UNC13C: variants seen among roughly 807,000 people sequenced by gnomAD.
UNC13C encodes the protein unc-13 homolog C, also known as protein unc-13 homolog C.
Under a neutral mutation model 245.4 loss-of-function variants are expected in UNC13C, and 174 were observed. The observed-to-expected ratio is 0.71, with a 90% CI of 0.63 to 0.80. UNC13C has a LOEUF of 0.80. UNC13C is among the 30% of genes least tolerant of loss of function. The pLI, the probability that UNC13C is intolerant of heterozygous loss-of-function variation, is 0.00. For missense variants in UNC13C, 2,829 were observed against 2,602.9 expected, an observed-to-expected ratio of 1.09 and a Z score of -1.89; for synonymous variants, 992 against 895.1, an observed-to-expected ratio of 1.11 and a Z score of -1.93.
At chr15:54,061,353 G>C (rs1171438654) in intron 2 of UNC13C, among the ~76,000 whole-genome samples, 2 of 152,052 alleles carry the variant, frequency 1.3e-5, no homozygotes, top group African/African-American at 4.8e-5. Context: ...TAGGTGGCTG[G>C]AAGAAAAATG....
chr15:54,129,502 A>G (rs2031274226), intron 2 of UNC13C, among the ~76,000 whole-genome samples: 1 of 152,168 alleles, frequency 6.6e-6, no homozygotes. Flanking sequence ...AGTTTAAAAT[A>G]TTAGATATTC....
At chr15:54,119,570 C>T (rs576001274) in intron 2 of UNC13C, among the ~76,000 whole-genome samples, 6 of 152,228 alleles carry the variant, frequency 3.9e-5, no homozygotes, top group African/African-American at 1.4e-4. Context: ...AGTAACCCTA[C>T]ATTGGCCTCT....
chr15:54,026,746 A>G (rs1366726174), intron 2 of UNC13C, among the ~76,000 whole-genome samples: 7 of 152,148 alleles, frequency 4.6e-5, no homozygotes, highest in Non-Finnish European at 8.8e-5. Flanking sequence ...TCTTTGGTCT[A>G]ATTTTCCTCT....
the UNC13C span, among the ~76,000 whole-genome samples, chr15:53,842,117 A>G: frequency 6.6e-6 from 1 of 152,164 alleles, no homozygotes; most frequent in Non-Finnish European, 1.5e-5. Context: ...TTTGACACTA[A>G]AAGTGCAGAA....
At chr15:54,290,570 GTC>G (rs1280247439) in intron 10 of UNC13C, among the ~76,000 whole-genome samples, 3 of 152,054 alleles carry the variant, frequency 2.0e-5, no homozygotes. Context: ...AGATAATATT[GTC>G]TCTCCCTCCT....
chr15:54,125,640 T>C (rs777478480), intron 2 of UNC13C, among the ~76,000 whole-genome samples: 3 of 152,188 alleles, frequency 2.0e-5, no homozygotes, highest in Non-Finnish European at 4.4e-5. Flanking sequence ...GGGAGTGTAA[T>C]AGGGAAATTT....
the UNC13C span, among the ~76,000 whole-genome samples, chr15:53,862,872 A>G: frequency 1.3e-5 from 2 of 152,134 alleles, no homozygotes; most frequent in Non-Finnish European, 2.9e-5. Context: ...TCTAGTCTGT[A>G]GCATTCTGTC....
chr15:54,229,946 G>T (rs1472092162), intron 4 of UNC13C, among the ~76,000 whole-genome samples: 2 of 151,686 alleles, frequency 1.3e-5, no homozygotes, highest in Admixed American at 6.6e-5. Context: ...GTCACAAATT[G>T]TAGGGTTTTT....
intron 30 of UNC13C, among the ~76,000 whole-genome samples, chr15:54,570,887 T>C (rs1429490594): frequency 6.6e-6 from 1 of 152,174 alleles, no homozygotes; most frequent in Non-Finnish European, 1.5e-5. Context: ...GCTTCCAAGA[T>C]CCCTTAAGTG....
the UNC13C span, among the ~76,000 whole-genome samples, chr15:53,896,975 G>C: frequency 3.4e-4 from 52 of 152,238 alleles, no homozygotes; most frequent in Middle Eastern, 3.4e-3. Context: ...AACATAGTTA[G>C]GTTACTGAGG....
intron 4 of UNC13C, among the ~76,000 whole-genome samples, chr15:54,214,555 G>A (rs1196502859): frequency 6.6e-6 from 1 of 151,910 alleles, no homozygotes; most frequent in African/African-American, 2.4e-5. Flanking sequence ...TTTCATTAGT[G>A]ATAGAAGAGG....
intron 18 of UNC13C, among the ~76,000 whole-genome samples, chr15:54,396,952 T>C (rs59738575): frequency 0.12 from 18,316 of 151,112 alleles, 1,637 homozygotes; most frequent in African/African-American, 0.25. Flanking sequence ...AGTATATGCT[T>C]CTAGCTTGTA....
At chr15:54,031,749 A>G (rs953237916) in intron 2 of UNC13C, among the ~76,000 whole-genome samples, 7 of 152,316 alleles carry the variant, frequency 4.6e-5, no homozygotes, top group Middle Eastern at 6.8e-3. Flanking sequence ...TATAGATACT[A>G]TAGAAATAAG....
At chr15:54,039,155 C>T (rs1230413797) in intron 2 of UNC13C, among the ~76,000 whole-genome samples, 1 of 152,170 alleles carries the variant, frequency 6.6e-6, no homozygotes, top group East Asian at 1.9e-4. Flanking sequence ...TGTCCAGTCT[C>T]ATCGAGATTG....
At chr15:54,351,800 T>C (rs1229543358) in intron 17 of UNC13C, among the ~76,000 whole-genome samples, 1 of 152,094 alleles carries the variant, frequency 6.6e-6, no homozygotes, top group East Asian at 1.9e-4. Flanking sequence ...ATCAAAACCA[T>C]AAGATTTTAA....
chr15:54,214,942 A>AT (rs201978765), intron 4 of UNC13C, among the ~76,000 whole-genome samples: 2,038 of 151,800 alleles, frequency 0.013, 25 homozygotes, highest in Non-Finnish European at 0.014. Flanking sequence ...AATTAAAGGG[A>AT]TTTTTTTTCA....
rs139850066 is a variant in UNC13C at position 54,332,479 on chromosome 15, A to G, written c.4494+368A>G. On this transcript the variant is annotated intron_variant, in intron 15 of 32. Transcript: ENST00000260323. ...CCTTTGTTACTGAAATACTCTGCTGATATTTCCCCAATTTCTGAGCTTCCT... is the reference window on the plus strand; with the variant it reads ...CCTTTGTTACTGAAATACTCTGCTGGTATTTCCCCAATTTCTGAGCTTCCT... 1.5e-3 allele frequency among the ~76,000 whole-genome samples: 227 copies of G among 152,074 alleles called. 1 individual carries two copies. Among genetic ancestry groups the G allele is most frequent in the African/African-American group, 5.3e-3 (220 of 41,528 alleles).
chr15:54,421,295 A>G (rs570093910), intron 19 of UNC13C, among the ~76,000 whole-genome samples: 9 of 151,996 alleles, frequency 5.9e-5, no homozygotes, highest in Non-Finnish European at 8.8e-5. Flanking sequence ...TGGAGAATCT[A>G]ATAAAATATG....
At chr15:54,297,679 T>C (rs2037471916) in intron 11 of UNC13C, 132 bp from the exon 12 acceptor site, 1 of 690,956 alleles carries the variant, frequency 1.4e-6, no homozygotes, top group South Asian at 1.7e-5. Context: ...AATAAGCAGC[T>C]CTGACTCAGA....
Sources: allele counts gnomAD v4.1 joint callset (sites outside exome capture counted in the v4.1 genomes callset), GRCh38; gene constraint gnomAD v4.1.1; transcripts MANE v1.5; gene names NCBI Gene and HGNC (gene_info 2026-07-23, HGNC 2026-07-21).